Variants in XRCC2 observed in about 807,000 individuals in gnomAD.
XRCC2 encodes DNA repair protein XRCC2.
A neutral mutation model predicts 27.3 loss-of-function variants in XRCC2; 24 were observed. The ratio of observed to expected loss-of-function variants is 0.88; its 90% CI spans 0.64 to 1.24. XRCC2 has a LOEUF of 1.24. XRCC2 is among the 50% of genes most tolerant of loss of function. XRCC2 has a pLI of 0.00. For missense variants in XRCC2, 321 were observed against 325.8 expected (o/e 0.99, Z 0.11); for synonymous variants, 106 against 115.4 (o/e 0.92, Z 0.52).
intron 2 of XRCC2, among the ~76,000 whole-genome samples, chr7:152,657,839 AAAAT>A (rs2098031327): frequency 6.6e-6 from 1 of 152,254 alleles, no homozygotes; most frequent in African/African-American, 2.4e-5. Flanking sequence ...CAAGGGAATT[AAAAT>A]GGTACATTAG....
At chr7:152,669,299 C>G (rs913979571) in intron 1 of XRCC2, among the ~76,000 whole-genome samples, 1 of 152,188 alleles carries the variant, frequency 6.6e-6, no homozygotes, top group Admixed American at 6.5e-5. Flanking sequence ...TTCAACCATT[C>G]CTTTAGTTGA....
intron 2 of XRCC2, among the ~76,000 whole-genome samples, chr7:152,659,996 G>A (rs2098032399): frequency 6.6e-6 from 1 of 152,170 alleles, no homozygotes; most frequent in South Asian, 2.1e-4. Flanking sequence ...TGGTGACACT[G>A]AATTATACAA....
At chr7:152,662,394 G>A (rs1004635746) in intron 1 of XRCC2, among the ~76,000 whole-genome samples, 4 of 151,666 alleles carry the variant, frequency 2.6e-5, no homozygotes, top group African/African-American at 7.3e-5. Context: ...GCACCATGAC[G>A]GAAGTCATTA....
intron 2 of XRCC2, among the ~76,000 whole-genome samples, chr7:152,651,729 G>C (rs2098028603): frequency 6.6e-6 from 1 of 151,662 alleles, no homozygotes; most frequent in Non-Finnish European, 1.5e-5. Context: ...GCCCAGGCTG[G>C]TCTTGAACTC....
chr7:152,669,936 T>TA (rs78706535), intron 1 of XRCC2, among the ~76,000 whole-genome samples: 4,215 of 133,770 alleles, frequency 0.032, 140 homozygotes, highest in African/African-American at 0.094. Context: ...CAAAAGGCTG[T>TA]AAAAAAAAAA....
chr7:152,656,213 T>TA (rs1021482028), intron 2 of XRCC2, among the ~76,000 whole-genome samples: 2 of 152,104 alleles, frequency 1.3e-5, no homozygotes, highest in Non-Finnish European at 2.9e-5. Context: ...AATTTAAAAT[T>TA]AAATTAAAAT....
At chr7:152,661,531 A>T (rs941149112) in intron 1 of XRCC2, among the ~76,000 whole-genome samples, 1 of 152,210 alleles carries the variant, frequency 6.6e-6, no homozygotes, top group Non-Finnish European at 1.5e-5. Flanking sequence ...TAAGACTGCC[A>T]GGTGAATGGG....
In XRCC2 at chr7:152,649,056, G is replaced by A. The variant is rs1359167211; in HGVS notation, c.429C>T (p.Leu143=). 1 of 1,614,174 alleles carries A rather than the reference G, an allele frequency of 6.2e-7. No individual in the cohort carries two copies. Among genetic ancestry groups the A allele is most frequent in the Non-Finnish European group, 8.5e-7 (1 of 1,180,032 alleles). ...ACAGGCTATCCAAAATCAAAAGGCA[G>A]AGAGATGGGTGACTACAAAACATAC... is the stretch of plus-strand genomic sequence containing the variant. ...LESMFCSHPS[L]CLLILDSLSA... The change falls in exon 3 of 3, where the codon CTC becomes CTT. Residue 143 remains leucine, a synonymous_variant. Coordinates refer to ENST00000359321, the MANE Select transcript of XRCC2 (RefSeq NM_005431.2).
In XRCC2 at chr7:152,644,939, GAA is replaced by G. The variant is rs776108725; in HGVS notation, c.*3701_*3702del. ...TTCATTCGATGAGTCCGATTTTTCT[GAA>G]AGAGATGATTCTGATGATTCAGATG... On this transcript the variant is annotated 3_prime_UTR_variant, in exon 3 of 3. Coordinates refer to ENST00000359321, the MANE Select transcript of XRCC2 (RefSeq NM_005431.2). 1.3e-5 allele frequency: 2 copies of G among 151,882 alleles called. No homozygotes were observed. The highest frequency in any genetic ancestry group is 2.4e-5 in the African/African-American group (1 of 41,388). 9.4% of individuals were successfully genotyped at this position (151,882 alleles called of 1,614,324 possible).
intron 1 of XRCC2, among the ~76,000 whole-genome samples, chr7:152,670,692 C>T (rs568350878): frequency 3.3e-5 from 5 of 152,124 alleles, no homozygotes; most frequent in East Asian, 1.9e-4. Flanking sequence ...TCTGTCTTCC[C>T]GGGTTCAAGC....
intron 2 of XRCC2, among the ~76,000 whole-genome samples, chr7:152,659,986 T>C (rs779006412): frequency 6.6e-6 from 1 of 152,132 alleles, no homozygotes; most frequent in Non-Finnish European, 1.5e-5. Flanking sequence ...TGTTATGAAA[T>C]GGTGACACTG....
rs200375595 is a variant in XRCC2 at position 152,674,781 on chromosome 7, A to AAT, written c.39+1258_39+1259dup. ...TATATTATATATAAATATATTTTTA[A>AAT]ATATATATATATCTATGGTTTATAA... On this transcript the variant is annotated intron_variant, in intron 1 of 2. Coordinates refer to ENST00000359321, the MANE Select transcript of XRCC2 (RefSeq NM_005431.2). Among the ~76,000 whole-genome samples the AAT allele has an allele frequency of 8.0e-3, 1,060 of 132,732 alleles. 56 individuals carry two copies. Among genetic ancestry groups the AAT allele is most frequent in the African/African-American group, 0.03 (999 of 32,840 alleles). 87.1% of individuals were successfully genotyped at this position (132,732 alleles called of 152,430 possible). A position where few individuals can be genotyped will look rare whatever the true frequency, so the allele number is the denominator to read the frequency against.
In XRCC2 at chr7:152,646,790, T is replaced by C. The variant is rs1427375034; in HGVS notation, c.*1852A>G. On this transcript the variant is annotated 3_prime_UTR_variant, in exon 3 of 3. Coordinates refer to ENST00000359321, the MANE Select transcript of XRCC2 (RefSeq NM_005431.2). ...CCACGCCCAGTCAGTCTTGTTCCTTTTTATGGCTGTATAGTATTCCCTGGT... is the reference window on the plus strand; with the variant it reads ...CCACGCCCAGTCAGTCTTGTTCCTTCTTATGGCTGTATAGTATTCCCTGGT... 1.3e-5 allele frequency: 2 copies of C among 152,268 alleles called. No individual in the cohort carries two copies. The highest frequency in any genetic ancestry group is 4.8e-5 in the African/African-American group (2 of 41,458). The allele number at this position is 152,268 out of a possible 1,614,324, so 9.4% of individuals were successfully genotyped here.
At position 152,647,093 on chromosome 7, in the gene XRCC2, G is replaced by A. The variant is rs1342135651; in HGVS notation, c.*1549C>T. The A allele has an allele frequency of 6.6e-6, 1 of 152,124 alleles. No homozygotes were observed. Among genetic ancestry groups the A allele is most frequent in the Non-Finnish European group, 1.5e-5 (1 of 68,042 alleles). 9.4% of individuals were successfully genotyped at this position (152,124 alleles called of 1,614,324 possible). A position where few individuals can be genotyped will look rare whatever the true frequency, so the allele number is the denominator to read the frequency against. ...GTTATTTTCTGACATTTTTATAATA[G>A]CCATTTGGACTGGTGTGAGATGGTA... On this transcript the variant is annotated 3_prime_UTR_variant, in exon 3 of 3. Transcript: ENST00000359321.
chr7:152,648,715 G>T lies in XRCC2; in HGVS notation c.770C>A (p.Ser257Ter), dbSNP rs730882047. The T allele has an allele frequency of 6.2e-7, 1 of 1,612,870 alleles. No individual in the cohort carries two copies. Among genetic ancestry groups the T allele is most frequent in the Non-Finnish European group, 8.5e-7 (1 of 1,179,756 alleles). The change falls in exon 3 of 3, where the codon TCA (serine) becomes TAA (stop). Residue 257 changes from serine to a stop codon, truncating the protein, a stop_gained. Transcript: ENST00000359321. LOFTEE classifies it high-confidence loss of function. ...TAAACTGTTACTTTTTAAACAACGT[G>T]AAACTAATGAAAATTGGTTGCTGCT... Reference protein sequence around the residue: ...SQSSNQFSLVSRCLKSNSLKK... With the variant: ...SQSSNQFSLV
At chr7:152,655,160 T>G (rs1433762192) in intron 2 of XRCC2, among the ~76,000 whole-genome samples, 3 of 152,154 alleles carry the variant, frequency 2.0e-5, no homozygotes, top group Admixed American at 1.3e-4. Flanking sequence ...TCTGGATGAT[T>G]TGGCCTTGAC....
At chr7:152,659,115 A>T (rs924941947) in intron 2 of XRCC2, among the ~76,000 whole-genome samples, 12 of 151,798 alleles carry the variant, frequency 7.9e-5, no homozygotes, top group African/African-American at 2.9e-4. Context: ...CAATTTCTCC[A>T]CATCCTTGCT....
intron 2 of XRCC2, among the ~76,000 whole-genome samples, chr7:152,653,326 T>C (rs1389898771): frequency 1.3e-5 from 2 of 152,162 alleles, no homozygotes; most frequent in Non-Finnish European, 1.5e-5. Flanking sequence ...CTCTTTCTTT[T>C]GTAAATTGCC....
At chr7:152,671,078 G>A (rs1253283459) in intron 1 of XRCC2, among the ~76,000 whole-genome samples, 1 of 152,098 alleles carries the variant, frequency 6.6e-6, no homozygotes, top group African/African-American at 2.4e-5. Context: ...AGCTAGCTAT[G>A]GTGGCACCTG....
Sources: gnomAD v4.1 joint callset for allele counts (sites outside exome capture counted in the v4.1 genomes callset) on GRCh38, gnomAD v4.1.1 for gene constraint, MANE v1.5 for transcripts, NCBI Gene and HGNC (gene_info 2026-07-23, HGNC 2026-07-21) for gene names.